FSTL5: variants seen among roughly 807,000 people sequenced by gnomAD.
FSTL5 encodes the protein follistatin like 5.
A neutral mutation model predicts 89.1 loss-of-function variants in FSTL5; 62 were observed. The observed-to-expected ratio is 0.70, with a 90% confidence interval of 0.57 to 0.86. FSTL5 has a LOEUF of 0.86. Ranked by LOEUF, FSTL5 falls within the 40% of genes least tolerant of loss-of-function variation. The probability of loss-of-function intolerance (pLI) is 0.00; values close to 1 mark genes in which losing one functional copy is unlikely to be tolerated. For missense variants in FSTL5, 1,057 were observed against 1,001.6 expected, an observed-to-expected ratio of 1.06 and a Z score of -0.75; for synonymous variants, 383 against 346.2, an observed-to-expected ratio of 1.11 and a Z score of -1.18.
chr4:161,404,570 A>G (rs934033110), intron 15 of FSTL5, among the ~76,000 whole-genome samples: 4 of 152,084 alleles, frequency 2.6e-5, no homozygotes, highest in African/African-American at 9.7e-5. Context: ...TTTTTGTTTT[A>G]TTTATTCGTT....
chr4:161,481,101 G>A lies in FSTL5; in HGVS notation c.1527C>T (p.Val509=), dbSNP rs748297344. The change falls in exon 13 of 16, where the codon GTC becomes GTT. Residue 509 remains valine (V), a synonymous_variant. Coordinates refer to ENST00000306100, the MANE Select transcript of FSTL5 (RefSeq NM_020116.5). The part of the protein sequence containing the change: ...QRCVWASAVN[V]KDKFIYVAQP... ...GTGCAACATAAATGAACTTGTCTTT[G>A]ACATTAACAGCTGATGCCCACACAC... is the stretch of plus-strand genomic sequence containing the variant. The A allele has an allele frequency of 6.2e-7, 1 of 1,612,940 alleles. No individual in the cohort carries two copies. The highest frequency in any genetic ancestry group is 1.1e-5 in the South Asian group (1 of 90,960).
At chr4:161,445,352 A>G (rs1010672049) in intron 15 of FSTL5, among the ~76,000 whole-genome samples, 1 of 151,896 alleles carries the variant, frequency 6.6e-6, no homozygotes, top group Non-Finnish European at 1.5e-5. Flanking sequence ...CTTGACTTAT[A>G]AAATCACTGT....
At chr4:162,127,147 A>C (rs1261888719) in intron 1 of FSTL5, among the ~76,000 whole-genome samples, 1 of 152,142 alleles carries the variant, frequency 6.6e-6, no homozygotes, top group Non-Finnish European at 1.5e-5. Flanking sequence ...CTTGTAATAG[A>C]AAGTTGTCTT....
chr4:161,396,018 G>A (rs904991661), intron 15 of FSTL5, among the ~76,000 whole-genome samples: 1 of 151,966 alleles, frequency 6.6e-6, no homozygotes, highest in African/African-American at 2.4e-5. Context: ...ATGCCCATGG[G>A]ATATCAGCAA....
At chr4:161,481,503 C>G (rs1240460729) in intron 12 of FSTL5, among the ~76,000 whole-genome samples, 2 of 152,062 alleles carry the variant, frequency 1.3e-5, no homozygotes, top group African/African-American at 2.4e-5. Flanking sequence ...TCTCAAGGTT[C>G]TTTAACAGAA....
intron 7 of FSTL5, among the ~76,000 whole-genome samples, chr4:161,603,743 C>G (rs552551557): frequency 6.6e-6 from 1 of 152,076 alleles, no homozygotes; most frequent in East Asian, 1.9e-4. Context: ...GAATCATGTT[C>G]GAGAGACAGA....
intron 3 of FSTL5, among the ~76,000 whole-genome samples, chr4:161,928,683 G>A (rs762095764): frequency 6.6e-6 from 1 of 151,644 alleles, no homozygotes; most frequent in Admixed American, 6.6e-5. Context: ...TTGATTGAGC[G>A]TATTTTCATA....
chr4:162,134,173 C>T (rs1210081577), intron 1 of FSTL5, among the ~76,000 whole-genome samples: 1 of 152,162 alleles, frequency 6.6e-6, no homozygotes, highest in Non-Finnish European at 1.5e-5. Context: ...CTTTCACCTC[C>T]ATCTCTGGGC....
In FSTL5 at chr4:161,385,797, T is replaced by A. The variant is rs1408854134; in HGVS notation, c.2494A>T (p.Ile832Phe). 6.2e-7 allele frequency: 1 copy of A among 1,611,130 alleles called. No individual in the cohort carries two copies. Among genetic ancestry groups the A allele is most frequent in the Non-Finnish European group, 8.5e-7 (1 of 1,179,136 alleles). The change falls in exon 16 of 16, where the codon ATC becomes TTC. Residue 832 changes from isoleucine (I) to phenylalanine (F), a missense_variant. By Grantham distance (21) the Ile-to-Phe change is conservative. Around this residue, in one of 3 missense-constraint regions of FSTL5, gnomAD observed 68 missense variants for 73.3 expected, o/e 0.93. Coordinates refer to ENST00000306100, the MANE Select transcript of FSTL5 (RefSeq NM_020116.5). Reference sequence around the variant, plus strand: ...GTATTTCCTTTTTCAACTTCAGTGATCTCACAGTTTAATTTATTGAGTCGT... The same window carrying A: ...GTATTTCCTTTTTCAACTTCAGTGAACTCACAGTTTAATTTATTGAGTCGT... Reference protein sequence around the residue: ...DGRLNKLNCEITEVEKGNTVI... With the variant: ...DGRLNKLNCEFTEVEKGNTVI...
At chr4:161,819,698 T>C (rs1730433392) in intron 4 of FSTL5, among the ~76,000 whole-genome samples, 1 of 152,258 alleles carries the variant, frequency 6.6e-6, no homozygotes, top group South Asian at 2.1e-4. Flanking sequence ...GAATGAAACC[T>C]AAAATCAGCT....
chr4:161,880,616 C>T (rs890669427), intron 4 of FSTL5, among the ~76,000 whole-genome samples: 1 of 152,120 alleles, frequency 6.6e-6, no homozygotes, highest in Non-Finnish European at 1.5e-5. Flanking sequence ...AGCTGTTTTA[C>T]TCCTAATTGA....
intron 3 of FSTL5, among the ~76,000 whole-genome samples, chr4:161,947,984 A>G (rs571423804): frequency 1.3e-5 from 2 of 152,172 alleles, no homozygotes; most frequent in East Asian, 1.9e-4. Context: ...CTAATCAAGA[A>G]AGAAATAGAA....
chr4:161,527,086 C>T (rs1731248423), intron 10 of FSTL5, among the ~76,000 whole-genome samples: 1 of 152,174 alleles, frequency 6.6e-6, no homozygotes, highest in Non-Finnish European at 1.5e-5. Flanking sequence ...AAGGAATGTT[C>T]TTCCATTTGT....
chr4:161,585,670 T>C (rs1733588166), intron 8 of FSTL5, among the ~76,000 whole-genome samples: 1 of 148,638 alleles, frequency 6.7e-6, no homozygotes, highest in African/African-American at 2.5e-5. Flanking sequence ...AAATAGAAGG[T>C]GAGGACCAGA....
chr4:161,594,221 G>GA (rs1399838716), intron 7 of FSTL5, among the ~76,000 whole-genome samples: 1 of 151,962 alleles, frequency 6.6e-6, no homozygotes, highest in Non-Finnish European at 1.5e-5. Context: ...TCACAACAGA[G>GA]AATTCTTTCA....
chr4:161,567,566 G>A (rs968626557), intron 8 of FSTL5, among the ~76,000 whole-genome samples: 5 of 152,068 alleles, frequency 3.3e-5, no homozygotes, highest in Non-Finnish European at 7.4e-5. Context: ...ATCACTCCTA[G>A]TCCAGTAAAC....
At chr4:161,611,434 C>T (rs993229180) in intron 7 of FSTL5, among the ~76,000 whole-genome samples, 6 of 151,692 alleles carry the variant, frequency 4.0e-5, no homozygotes, top group Non-Finnish European at 8.8e-5. Context: ...TAACCTTCTA[C>T]GTACACTCTT....
At chr4:162,159,685 T>C (rs370533232) in intron 1 of FSTL5, among the ~76,000 whole-genome samples, 4 of 151,950 alleles carry the variant, frequency 2.6e-5, no homozygotes, top group Non-Finnish European at 5.9e-5. Flanking sequence ...ATCTGAAGAT[T>C]TGTAGGAAGT....
chr4:162,030,585 G>T (rs981287761), intron 3 of FSTL5, among the ~76,000 whole-genome samples: 1 of 152,126 alleles, frequency 6.6e-6, no homozygotes, highest in Non-Finnish European at 1.5e-5. Context: ...TTTTTCGGTG[G>T]ATGGACAGTC....
Sources: gnomAD v4.1 joint callset for allele counts (sites outside exome capture counted in the v4.1 genomes callset) on GRCh38, gnomAD v4.1.1 for gene constraint, gnomAD v4.1.1 regional missense constraint, MANE v1.5 for transcripts, NCBI Gene and HGNC (gene_info 2026-07-23, HGNC 2026-07-21) for gene names.